The following PRELID2 variants were observed in gnomAD, a reference collection of about 807,000 sequenced individuals.
The protein encoded by PRELID2 is PRELI domain containing 2.
In PRELID2, 25 loss-of-function variants were observed where a neutral mutation model predicts 28.4. The observed-to-expected ratio is 0.88, with a 90% CI of 0.64 to 1.23. The LOEUF is 1.23. Ranked by LOEUF, PRELID2 falls within the 50% of genes most tolerant of loss-of-function variation. The pLI is 0.00. For synonymous variants in PRELID2, 76 were observed against 71.6 expected (o/e 1.06, Z -0.31); for missense variants, 201 against 214.4 (o/e 0.94, Z 0.39).
At chr5:145,431,696 C>G in the PRELID2 span, among the ~76,000 whole-genome samples, 5 of 152,146 alleles carry the variant, frequency 3.3e-5, no homozygotes, top group African/African-American at 1.2e-4. Context: ...TACAAAATAA[C>G]TGTAGTTTCC....
At chr5:145,553,269 C>A (rs1752853546) in intron 1 of PRELID2, among the ~76,000 whole-genome samples, 1 of 150,078 alleles carries the variant, frequency 6.7e-6, no homozygotes, top group Non-Finnish European at 1.5e-5. Flanking sequence ...GCAGAACCTT[C>A]AAGTACACAC....
intron 1 of PRELID2, among the ~76,000 whole-genome samples, chr5:145,617,890 C>T (rs947824946): frequency 3.9e-5 from 6 of 151,976 alleles, no homozygotes; most frequent in African/African-American, 7.3e-5. Context: ...TGCACCACCA[C>T]GCCCAGCTAA....
chr5:145,495,363 T>C (rs1435326855), intron 1 of PRELID2, among the ~76,000 whole-genome samples: 4 of 152,214 alleles, frequency 2.6e-5, no homozygotes, highest in Non-Finnish European at 4.4e-5. Flanking sequence ...TATTTTTGGA[T>C]GGAATCATTT....
chr5:145,543,212 C>T (rs1429758419), intron 1 of PRELID2, among the ~76,000 whole-genome samples: 2 of 152,110 alleles, frequency 1.3e-5, no homozygotes, highest in Non-Finnish European at 2.9e-5. Flanking sequence ...CTAGGATGTA[C>T]TCTCCATGAG....
At chr5:145,485,303 C>T (rs1752206903) in intron 1 of PRELID2, among the ~76,000 whole-genome samples, 1 of 152,118 alleles carries the variant, frequency 6.6e-6, no homozygotes, top group Non-Finnish European at 1.5e-5. Context: ...CTGCCAAGGC[C>T]TTAAGTCTGG....
intron 1 of PRELID2, among the ~76,000 whole-genome samples, chr5:145,719,612 A>G (rs1371665468): frequency 1.3e-5 from 2 of 152,054 alleles, no homozygotes; most frequent in East Asian, 3.8e-4. Flanking sequence ...CACAGATAGA[A>G]GAGGGATCTC....
intron 1 of PRELID2, among the ~76,000 whole-genome samples, chr5:145,536,445 C>T (rs1175785724): frequency 3.3e-5 from 5 of 151,856 alleles, no homozygotes; most frequent in Admixed American, 6.6e-5. Flanking sequence ...CTTTGTACAA[C>T]GAGTTCAAAA....
At chr5:145,288,092 C>T in the PRELID2 span, among the ~76,000 whole-genome samples, 1 of 151,974 alleles carries the variant, frequency 6.6e-6, no homozygotes, top group African/African-American at 2.4e-5. Flanking sequence ...TGAATGTTAA[C>T]CTTGATCTTC....
chr5:145,370,480 T>C, the PRELID2 span, among the ~76,000 whole-genome samples: 1 of 152,120 alleles, frequency 6.6e-6, no homozygotes, highest in East Asian at 1.9e-4. Context: ...CATTGGTCTA[T>C]ATGTCTGCTT....
the PRELID2 span, among the ~76,000 whole-genome samples, chr5:145,292,909 TG>T: frequency 6.6e-6 from 1 of 152,082 alleles, no homozygotes; most frequent in African/African-American, 2.4e-5. Context: ...TTTTTTGAGA[TG>T]GGTTCTCATT....
chr5:145,698,715 TTTG>T (rs1233395656), intron 1 of PRELID2, among the ~76,000 whole-genome samples: 2 of 152,012 alleles, frequency 1.3e-5, no homozygotes, highest in African/African-American at 4.8e-5. Context: ...GCCCCACCTG[TTTG>T]TTGTTTGTTT....
chr5:145,679,403 T>A (rs1754888861), intron 1 of PRELID2, among the ~76,000 whole-genome samples: 1 of 152,218 alleles, frequency 6.6e-6, no homozygotes, highest in Non-Finnish European at 1.5e-5. Flanking sequence ...TTTGTAGAGA[T>A]CTTTCTAGAA....
intron 1 of PRELID2, among the ~76,000 whole-genome samples, chr5:145,560,205 T>A (rs1752915221): frequency 6.6e-6 from 1 of 152,222 alleles, no homozygotes; most frequent in African/African-American, 2.4e-5. Flanking sequence ...TGCACCATTG[T>A]AAAATCAGAG....
chr5:145,286,738 T>C, the PRELID2 span, among the ~76,000 whole-genome samples: 1 of 132,060 alleles, frequency 7.6e-6, no homozygotes, highest in Non-Finnish European at 1.7e-5. Context: ...TTTTTTTTTT[T>C]TGAGACGAAG....
At chr5:145,249,386 T>C in the PRELID2 span, among the ~76,000 whole-genome samples, 1 of 152,166 alleles carries the variant, frequency 6.6e-6, no homozygotes, top group Non-Finnish European at 1.5e-5. Context: ...ATACTCAATT[T>C]TGAATATTTT....
the PRELID2 span, among the ~76,000 whole-genome samples, chr5:145,293,627 G>A: frequency 3.2e-3 from 483 of 152,238 alleles, 4 homozygotes; most frequent in African/African-American, 0.011. Context: ...TTGAATATGC[G>A]TAGATATTAA....
At chr5:145,376,785 T>G in the PRELID2 span, among the ~76,000 whole-genome samples, 1 of 152,138 alleles carries the variant, frequency 6.6e-6, no homozygotes, top group Non-Finnish European at 1.5e-5. Context: ...TCTTTTCTTC[T>G]TTATTAGTCT....
chr5:145,409,578 A>G, the PRELID2 span, among the ~76,000 whole-genome samples: 1 of 152,136 alleles, frequency 6.6e-6, no homozygotes, highest in African/African-American at 2.4e-5. Flanking sequence ...AGCTATTCTT[A>G]TATCAGACTA....
the PRELID2 span, among the ~76,000 whole-genome samples, chr5:145,308,248 C>T: frequency 2.6e-5 from 4 of 152,094 alleles, no homozygotes; most frequent in African/African-American, 9.7e-5. Context: ...ATATCCTGTC[C>T]ATATGGATGG....
Sources: allele counts gnomAD v4.1 joint callset (sites outside exome capture counted in the v4.1 genomes callset), GRCh38; gene constraint gnomAD v4.1.1; transcripts MANE v1.5; gene names NCBI Gene and HGNC (gene_info 2026-07-23, HGNC 2026-07-21).